Variants in FSD1L observed in about 807,000 individuals in gnomAD.
FSD1L encodes FSD1-like protein.
Under a neutral mutation model 71.6 loss-of-function variants are expected in FSD1L, and 45 were observed. That is an observed-to-expected ratio of 0.63 (90% CI 0.49 to 0.81). The LOEUF is 0.81. Ranked by LOEUF, FSD1L falls within the 30% of genes least tolerant of loss-of-function variation. The pLI is 0.00. For missense variants in FSD1L, 561 were observed against 618.1 expected (o/e 0.91, Z 0.98); for synonymous variants, 197 against 207.2 (o/e 0.95, Z 0.42).
At chr9:105,515,348 C>T (rs773180167) in intron 10 of FSD1L, among the ~76,000 whole-genome samples, 44 of 152,072 alleles carry the variant, frequency 2.9e-4, no homozygotes, top group African/African-American at 8.5e-4. Context: ...TAAGAAAACG[C>T]GCCAGGCATT....
At chr9:105,505,138 A>G (rs929133583) in intron 7 of FSD1L, among the ~76,000 whole-genome samples, 6 of 152,370 alleles carry the variant, frequency 3.9e-5, no homozygotes, top group African/African-American at 1.2e-4. Flanking sequence ...ATATTACCAT[A>G]TAGAATAATT....
intron 10 of FSD1L, among the ~76,000 whole-genome samples, chr9:105,516,007 G>A (rs1354144981): frequency 1.3e-5 from 2 of 152,030 alleles, no homozygotes; most frequent in African/African-American, 4.8e-5. Flanking sequence ...TAGCTTGGTC[G>A]GGGGAGGGGC....
chr9:105,525,257 C>T, intron 10 of FSD1L: 2 of 1,606,672 alleles, frequency 1.2e-6, no homozygotes, highest in Non-Finnish European at 1.7e-6. Context: ...ACTGTACCAA[C>T]TTGGGATACA....
intron 10 of FSD1L, chr9:105,526,311 T>G: frequency 6.2e-7 from 1 of 1,610,188 alleles, no homozygotes; most frequent in Non-Finnish European, 8.5e-7. Context: ...CAGCACAGGT[T>G]TTTTCTCCAG....
chr9:105,520,044 C>G, intron 10 of FSD1L: 1 of 1,503,380 alleles, frequency 6.7e-7, no homozygotes, highest in Non-Finnish European at 8.9e-7. Context: ...TCTGGCTAGT[C>G]TCCTCCCCGT....
intron 6 of FSD1L, among the ~76,000 whole-genome samples, chr9:105,479,822 C>T (rs1832054006): frequency 2.0e-5 from 3 of 152,302 alleles, no homozygotes; most frequent in East Asian, 3.9e-4. Context: ...CTGTTTAACA[C>T]CTTGTATTCT....
intron 7 of FSD1L, among the ~76,000 whole-genome samples, chr9:105,488,101 G>A (rs949238733): frequency 1.3e-5 from 2 of 152,116 alleles, no homozygotes; most frequent in Non-Finnish European, 2.9e-5. Flanking sequence ...TTGGGCAGAT[G>A]TATACTGGCA....
chr9:105,521,023 G>T, intron 10 of FSD1L: 1 of 1,612,230 alleles, frequency 6.2e-7, no homozygotes, highest in South Asian at 1.1e-5. Flanking sequence ...CCAAACATCT[G>T]TAAGGAAAAC....
chr9:105,454,263 A>G (rs988125815), intron 1 of FSD1L, among the ~76,000 whole-genome samples: 17 of 152,194 alleles, frequency 1.1e-4, no homozygotes, highest in African/African-American at 3.9e-4. Flanking sequence ...ATAATAAATT[A>G]TGGATATTTT....
intron 13 of FSD1L, among the ~76,000 whole-genome samples, chr9:105,540,149 T>A (rs993180859): frequency 1.5e-4 from 23 of 152,266 alleles, no homozygotes; most frequent in African/African-American, 5.1e-4. Context: ...ACACTTAGTA[T>A]TATCTTTTAA....
intron 7 of FSD1L, among the ~76,000 whole-genome samples, chr9:105,503,406 G>A (rs1200370444): frequency 6.6e-6 from 1 of 152,144 alleles, no homozygotes; most frequent in Non-Finnish European, 1.5e-5. Flanking sequence ...CAGTGGAAGT[G>A]ACGATGATCA....
intron 7 of FSD1L, among the ~76,000 whole-genome samples, chr9:105,501,901 G>A (rs745834671): frequency 2.9e-4 from 44 of 152,060 alleles, no homozygotes; most frequent in Admixed American, 1.4e-3. Context: ...TTCCAGGTCA[G>A]TTAGGTTCCT....
At chr9:105,509,674 A>C (rs1459920160) in intron 9 of FSD1L, among the ~76,000 whole-genome samples, 2 of 152,246 alleles carry the variant, frequency 1.3e-5, no homozygotes, top group Non-Finnish European at 2.9e-5. Flanking sequence ...CCTATAAGTT[A>C]TTGATGAGAC....
At position 105,546,540 on chromosome 9, in the gene FSD1L, T is replaced by G; in HGVS notation, c.*57T>G. 1 of 1,449,082 alleles carries G rather than the reference T, an allele frequency of 6.9e-7. No homozygotes were observed. The highest frequency in any genetic ancestry group is 9.1e-7 in the Non-Finnish European group (1 of 1,095,414). 89.8% of individuals were successfully genotyped at this position (1,449,082 alleles called of 1,614,324 possible). ...TGATTAGGTGGCCTTTTCTGTGCAG[T>G]TACTAATCACAGGAATTTGGTAGTA... On this transcript the variant is annotated 3_prime_UTR_variant, in exon 14 of 14. Transcript: ENST00000481272.
rs1837140021 is a variant in FSD1L at position 105,548,663 on chromosome 9, T to C, written c.*2180T>C. The stretch of plus-strand genomic sequence containing the variant: ...AAACTCTTCACATAAAATTTTCTAA[T>C]ATTCATTTGGAAAACCTCTCCACTG... On this transcript the variant is annotated 3_prime_UTR_variant, in exon 14 of 14. Transcript: ENST00000481272. 6.6e-6 allele frequency: 1 copy of C among 152,014 alleles called. No homozygotes were observed. The allele number at this position is 152,014 out of a possible 1,614,324, so 9.4% of individuals were successfully genotyped here.
chr9:105,505,230 G>C (rs1345885676), intron 7 of FSD1L, among the ~76,000 whole-genome samples: 1 of 152,052 alleles, frequency 6.6e-6, no homozygotes, highest in Non-Finnish European at 1.5e-5. Context: ...GTTAGTTCCA[G>C]GAATTTTATT....
At chr9:105,495,591 G>A (rs977716999) in intron 7 of FSD1L, among the ~76,000 whole-genome samples, 13 of 152,344 alleles carry the variant, frequency 8.5e-5, no homozygotes, top group African/African-American at 3.1e-4. Context: ...TGTCTTCTGC[G>A]TAGCTCACGC....
chr9:105,445,343 T>G (rs2131540084), upstream of FSD1L, among the ~76,000 whole-genome samples: 1 of 152,234 alleles, frequency 6.6e-6, no homozygotes, highest in East Asian at 1.9e-4. Context: ...TGTCAAAAGC[T>G]GCAGTCTGCT....
Position 105,451,961 on chromosome 9 carries a change from A to G in FSD1L, c.15+3726A>G, listed in dbSNP as rs183231405. ...AGGGAGATGAGAGCTCAGAGGAAGGAAGTCACCAAGAGCATATATTGTCAC... is the reference window on the plus strand; with the variant it reads ...AGGGAGATGAGAGCTCAGAGGAAGGGAGTCACCAAGAGCATATATTGTCAC... On this transcript the variant is annotated intron_variant, in intron 1 of 13. Coordinates refer to ENST00000481272, the MANE Select transcript of FSD1L (RefSeq NM_001145313.3). Among the ~76,000 whole-genome samples, 34 of 152,260 alleles carry G rather than the reference A, an allele frequency of 2.2e-4. No individual in the cohort carries two copies. The East Asian group carries it at 5.4e-3, about 24-fold the overall frequency.
Sources: gnomAD v4.1 joint callset for allele counts (sites outside exome capture counted in the v4.1 genomes callset) on GRCh38, gnomAD v4.1.1 for gene constraint, MANE v1.5 for transcripts, NCBI Gene and HGNC (gene_info 2026-07-23, HGNC 2026-07-21) for gene names.